Variants in AK9 observed in about 807,000 individuals in gnomAD.
The protein encoded by AK9 is adenylate kinase 9.
Under a neutral mutation model 239.6 loss-of-function variants are expected in AK9, and 191 were observed. The observed-to-expected ratio is 0.80, with a 90% CI of 0.71 to 0.90. The LOEUF is 0.90. AK9 is among the 40% of genes least tolerant of loss of function. The pLI is 0.00. For missense variants in AK9, 1,995 were observed against 2,214.7 expected (o/e 0.90, Z 1.99); for synonymous variants, 689 against 721.0 (o/e 0.96, Z 0.71).
At chr6:109,530,854 C>A (rs1781137677) in intron 28 of AK9, among the ~76,000 whole-genome samples, 4 of 152,162 alleles carry the variant, frequency 2.6e-5, no homozygotes, top group Admixed American at 2.6e-4. Flanking sequence ...GTTGACCTGG[C>A]CAACATGGTG....
At chr6:109,528,899 A>C (rs1406201112) in intron 29 of AK9, 112 bp downstream of exon 29, 8 of 1,510,816 alleles carry the variant, frequency 5.3e-6, no homozygotes, top group Non-Finnish European at 7.1e-6. Flanking sequence ...AGGTGGGAGG[A>C]TCCCTTGAGC....
chr6:109,554,851 G>T (rs986335416), intron 24 of AK9, among the ~76,000 whole-genome samples: 13 of 152,034 alleles, frequency 8.6e-5, no homozygotes, highest in Non-Finnish European at 1.8e-4. Context: ...GTATTTCTGT[G>T]GGGTCAGTGG....
chr6:109,512,763 C>T (rs1778886841), intron 32 of AK9, among the ~76,000 whole-genome samples: 2 of 152,158 alleles, frequency 1.3e-5, no homozygotes, highest in Non-Finnish European at 2.9e-5. Context: ...TACAACCAAC[C>T]AAGTTTTGGA....
In AK9 at chr6:109,550,012, A is replaced by G. The variant is rs532109048; in HGVS notation, c.2964+78T>C. The G allele has an allele frequency of 1.3e-5, 18 of 1,436,732 alleles. 1 individual carries two copies. The South Asian group carries it at 2.1e-4, about 17-fold the overall frequency. The allele number at this position is 1,436,732 out of a possible 1,614,324, so 89.0% of individuals were successfully genotyped here. On this transcript the variant is annotated intron_variant, in intron 25 of 40. Transcript: ENST00000424296. ...TATCAGATTGGGGATTTCACCCTTAAGTAAATTGATGGTGATTGGTAATCA... is the reference window on the plus strand; with the variant it reads ...TATCAGATTGGGGATTTCACCCTTAGGTAAATTGATGGTGATTGGTAATCA...
In AK9 at chr6:109,616,622, C is replaced by T. The variant is rs377619916; in HGVS notation, c.1400-2142G>A. Among the ~76,000 whole-genome samples, 9 of 152,092 alleles carry T rather than the reference C, an allele frequency of 5.9e-5. No individual in the cohort carries two copies. In the East Asian group the frequency reaches 9.7e-4, roughly 16 times the overall value. ...GAACTCTTAGCCTCAAGAGATCGTC[C>T]CACTTTGGCTTCGCAGAGCATTGGG... On this transcript the variant is annotated intron_variant, in intron 13 of 40. Transcript: ENST00000424296.
At position 109,657,051 on chromosome 6, in the gene AK9, C is replaced by T. The variant is rs182411501; in HGVS notation, c.631-167G>A. Among the ~76,000 whole-genome samples, 35 of 152,182 alleles carry T rather than the reference C, an allele frequency of 2.3e-4. No homozygotes were observed. In the East Asian group the frequency reaches 2.9e-3, roughly 13 times the overall value. ...ATTTAAGAGAATGGAAGACTCCTAACGGGTCTTCATCAGATGGAATAAAGC... is the reference window on the plus strand; with the variant it reads ...ATTTAAGAGAATGGAAGACTCCTAATGGGTCTTCATCAGATGGAATAAAGC... On this transcript the variant is annotated intron_variant, in intron 7 of 40. Transcript: ENST00000424296.
At chr6:109,632,237 GAAC>G in intron 12 of AK9, 1 of 985,470 alleles carries the variant, frequency 1.0e-6, no homozygotes, top group Non-Finnish European at 1.2e-6. Context: ...ACAGCACTTT[GAAC>G]AACTTCTAAC....
At chr6:109,605,226 A>G (rs997066471) in intron 17 of AK9, among the ~76,000 whole-genome samples, 1 of 152,206 alleles carries the variant, frequency 6.6e-6, no homozygotes, top group Non-Finnish European at 1.5e-5. Context: ...ACTTGAGCCC[A>G]GGAGTTTGAG....
chr6:109,639,065 G>T lies in AK9; in HGVS notation c.933+2453C>A, dbSNP rs972971787. Among the ~76,000 whole-genome samples, 4 of 152,278 alleles carry T rather than the reference G, an allele frequency of 2.6e-5. No homozygotes were observed. The South Asian group carries it at 6.2e-4, about 24-fold the overall frequency. ...CCAGTCTATCATTGATGGACATTTGGGTTGGTTCCAAGTCTTTGTAATTGT... is the reference window on the plus strand; with the variant it reads ...CCAGTCTATCATTGATGGACATTTGTGTTGGTTCCAAGTCTTTGTAATTGT... On this transcript the variant is annotated intron_variant, in intron 10 of 40. Coordinates refer to ENST00000424296, the MANE Select transcript of AK9 (RefSeq NM_001145128.3).
chr6:109,598,238 A>C (rs1791342862), intron 17 of AK9, among the ~76,000 whole-genome samples: 2 of 121,134 alleles, frequency 1.7e-5, no homozygotes, highest in African/African-American at 7.3e-5. Context: ...CCCACCCCAC[A>C]ACAGTCCCCG....
intron 12 of AK9, among the ~76,000 whole-genome samples, chr6:109,621,955 A>C (rs1794905859): frequency 2.4e-5 from 2 of 83,398 alleles, no homozygotes; most frequent in South Asian, 1.1e-3. Context: ...AAAAAAAACA[A>C]AAAAAAAAAC....
At chr6:109,605,309 T>C (rs985801891) in intron 17 of AK9, among the ~76,000 whole-genome samples, 1 of 152,176 alleles carries the variant, frequency 6.6e-6, no homozygotes, top group Non-Finnish European at 1.5e-5. Context: ...ATCATTGTCT[T>C]ATTTCTGACT....
intron 32 of AK9, among the ~76,000 whole-genome samples, chr6:109,510,656 C>T (rs1279776076): frequency 6.6e-6 from 1 of 152,170 alleles, no homozygotes; most frequent in Admixed American, 6.5e-5. Flanking sequence ...CTGTGGGTCT[C>T]CTCTGAGCTG....
At chr6:109,540,995 T>C (rs961258985) in intron 27 of AK9, among the ~76,000 whole-genome samples, 1 of 152,238 alleles carries the variant, frequency 6.6e-6, no homozygotes, top group African/African-American at 2.4e-5. Flanking sequence ...CTAGTACTCA[T>C]GTGCTACCTG....
In AK9 at chr6:109,514,409, A is replaced by G. The variant is rs1399098198; in HGVS notation, c.4094T>C (p.Val1365Ala). Residue 1365 changes from valine to alanine, a missense_variant, in exon 32 of 41, where the codon GTT (valine) becomes GCT (alanine). Physicochemically the swap from Val to Ala is moderately conservative, Grantham distance 64. Transcript: ENST00000424296. ...KLSEGETIKP[V>A]ENAENPIYPV... Reference sequence around the variant, plus strand: ...ATAAATTGGATTCTCTGCATTTTCAACTGGCTTGATTGTCTCTCCTTCACT... The same window carrying G: ...ATAAATTGGATTCTCTGCATTTTCAGCTGGCTTGATTGTCTCTCCTTCACT... 21 of 1,549,252 alleles carry G rather than the reference A, an allele frequency of 1.4e-5. No individual in the cohort carries two copies. Among genetic ancestry groups the G allele is most frequent in the East Asian group, 7.3e-5 (3 of 40,886 alleles).
chr6:109,595,056 A>G (rs922919640), intron 17 of AK9, among the ~76,000 whole-genome samples: 13 of 152,234 alleles, frequency 8.5e-5, no homozygotes, highest in African/African-American at 2.7e-4. Context: ...AGAAACCATC[A>G]TCAGAGTTAA....
At chr6:109,517,514 GT>G (rs1244562720) in intron 29 of AK9, among the ~76,000 whole-genome samples, 8 of 152,162 alleles carry the variant, frequency 5.3e-5, no homozygotes, top group African/African-American at 1.9e-4. Context: ...GGGACAAGAT[GT>G]TTCCTTACCT....
At chr6:109,551,770 C>CA (rs141456654) in intron 24 of AK9, among the ~76,000 whole-genome samples, 49,294 of 134,890 alleles carry the variant, frequency 0.37, 8,408 homozygotes, top group South Asian at 0.51. Context: ...TTATTTCTTC[C>CA]AAAAAAAAAA....
chr6:109,566,991 T>C (rs948717787), intron 21 of AK9, among the ~76,000 whole-genome samples: 31 of 152,066 alleles, frequency 2.0e-4, no homozygotes, highest in Non-Finnish European at 3.7e-4. Flanking sequence ...AGATCTAAAA[T>C]TGACACCCTA....
Sources: gnomAD v4.1 joint callset for allele counts (sites outside exome capture counted in the v4.1 genomes callset) on GRCh38, gnomAD v4.1.1 for gene constraint, MANE v1.5 for transcripts, NCBI Gene and HGNC (gene_info 2026-07-23, HGNC 2026-07-21) for gene names.